The following RBFOX1 variants were observed in gnomAD, a reference collection of about 807,000 sequenced individuals.
The protein encoded by RBFOX1 is RNA binding protein fox-1 homolog 1.
RBFOX1 carries 8 observed loss-of-function variants against 57.7 expected under a neutral mutation model. The ratio of observed to expected loss-of-function variants is 0.14; its 90% CI spans 0.08 to 0.25. RBFOX1 has a LOEUF of 0.25. Among genes scored for constraint, RBFOX1 ranks in the 10% least tolerant of loss-of-function variants. The pLI is 1.00. For synonymous variants in RBFOX1, 326 were observed against 222.4 expected (o/e 1.47, Z -4.15); for missense variants, 611 against 548.5 (o/e 1.11, Z -1.14).
At chr16:7,607,425 C>T (rs2095320655) in intron 10 of RBFOX1, 87 bp downstream of exon 10, 1 of 1,285,416 alleles carries the variant, frequency 7.8e-7, no homozygotes, top group Non-Finnish European at 1.1e-6. Flanking sequence ...TGTAAAATAA[C>T]CTGAAGCAAG....
intron 1 of RBFOX1, among the ~76,000 whole-genome samples, chr16:5,407,769 G>A (rs955094378): frequency 1.3e-5 from 2 of 152,142 alleles, no homozygotes; most frequent in African/African-American, 2.4e-5. Context: ...GGCTGGTCTC[G>A]AACTCCTGAC....
intron 4 of RBFOX1, among the ~76,000 whole-genome samples, chr16:7,279,309 G>A (rs1303735417): frequency 3.9e-5 from 6 of 152,068 alleles, no homozygotes; most frequent in Non-Finnish European, 7.4e-5. Flanking sequence ...GCTGAAATGC[G>A]GATTTCTCAG....
rs141361058 is a variant in RBFOX1 at position 6,749,731 on chromosome 16, T to G, written c.-16+95081T>G. Among the ~76,000 whole-genome samples the G allele has an allele frequency of 5.4e-3, 830 of 152,320 alleles. 18 individuals are homozygous for G. The highest frequency in any genetic ancestry group is 0.04 in the Admixed American group (605 of 15,288). ...GAATTGCAGTGCACAGATTCTTGCTTAAGAATAACAGCGACTTGGAAAGTT... is the reference window on the plus strand; with the variant it reads ...GAATTGCAGTGCACAGATTCTTGCTGAAGAATAACAGCGACTTGGAAAGTT... On this transcript the variant is annotated intron_variant, in intron 3 of 15. Transcript: ENST00000550418.
At chr16:6,890,727 A>G (rs1393111005) in intron 3 of RBFOX1, among the ~76,000 whole-genome samples, 5 of 152,186 alleles carry the variant, frequency 3.3e-5, no homozygotes, top group Non-Finnish European at 5.9e-5. Context: ...CAAGTGGAGA[A>G]GAAGGAGAGT....
chr16:5,904,529 C>T (rs942244789), intron 4 of RBFOX1, among the ~76,000 whole-genome samples: 4 of 151,812 alleles, frequency 2.6e-5, no homozygotes, highest in Middle Eastern at 3.4e-3. Flanking sequence ...AGTGGGTAGG[C>T]GGAAGGCAGG....
intron 3 of RBFOX1, among the ~76,000 whole-genome samples, chr16:5,751,895 A>G (rs1057205803): frequency 6.6e-6 from 1 of 152,136 alleles, no homozygotes; most frequent in African/African-American, 2.4e-5. Flanking sequence ...AAACAGAAAT[A>G]CCATTTGACC....
intron 2 of RBFOX1, among the ~76,000 whole-genome samples, chr16:6,428,917 T>G (rs1227425535): frequency 6.6e-6 from 1 of 152,216 alleles, no homozygotes; most frequent in African/African-American, 2.4e-5. Context: ...TAGGAAGTAG[T>G]AAAGCGTATT....
intron 4 of RBFOX1, among the ~76,000 whole-genome samples, chr16:7,320,191 C>T (rs2096520858): frequency 6.6e-6 from 1 of 152,022 alleles, no homozygotes; most frequent in Non-Finnish European, 1.5e-5. Context: ...GGTATTAAGC[C>T]CCATGTTCAT....
At chr16:5,567,951 A>T (rs2046132543) in intron 2 of RBFOX1, among the ~76,000 whole-genome samples, 2 of 152,340 alleles carry the variant, frequency 1.3e-5, no homozygotes, top group Admixed American at 6.5e-5. Flanking sequence ...GTAGTGGGGC[A>T]GAGGGGCTGG....
At chr16:7,306,799 A>T (rs1195155109) in intron 4 of RBFOX1, among the ~76,000 whole-genome samples, 1 of 152,176 alleles carries the variant, frequency 6.6e-6, no homozygotes, top group Non-Finnish European at 1.5e-5. Context: ...CACTTATTTT[A>T]TTTAGCATTC....
At chr16:6,747,456 C>CTGTCTGTG (rs1220425757) in intron 3 of RBFOX1, among the ~76,000 whole-genome samples, 7 of 151,318 alleles carry the variant, frequency 4.6e-5, no homozygotes, top group African/African-American at 1.7e-4. Flanking sequence ...GTCTGTCTGT[C>CTGTCTGTG]TGTCTGTCTG....
intron 3 of RBFOX1, among the ~76,000 whole-genome samples, chr16:6,899,591 C>G (rs908859897): frequency 6.6e-6 from 1 of 152,196 alleles, no homozygotes; most frequent in Non-Finnish European, 1.5e-5. Context: ...ATTTTGAGCA[C>G]AGCTCCAGAA....
chr16:7,453,448 C>G lies in RBFOX1; in HGVS notation c.28-64699C>G, dbSNP rs535409460. ...TGCCGGCCATGATCGGGAGTTATGA[C>G]TTTATCCTAAGAATAGGGATTCATT... is the stretch of plus-strand genomic sequence containing the variant. On this transcript the variant is annotated intron_variant, in intron 4 of 15. Transcript: ENST00000550418. 4.6e-5 allele frequency among the ~76,000 whole-genome samples: 7 copies of G among 152,214 alleles called. No homozygotes were observed. In the East Asian group the frequency reaches 1.4e-3, roughly 29 times the overall value.
chr16:6,766,258 A>G (rs548255696), intron 3 of RBFOX1, among the ~76,000 whole-genome samples: 122 of 152,302 alleles, frequency 8.0e-4, no homozygotes, highest in African/African-American at 2.7e-3. Flanking sequence ...CATTGTTTTT[A>G]TACAGCTCTT....
intron 2 of RBFOX1, among the ~76,000 whole-genome samples, chr16:6,547,283 G>A (rs958492636): frequency 6.6e-5 from 10 of 152,054 alleles, no homozygotes; most frequent in Non-Finnish European, 1.3e-4. Context: ...AGCCCCGGCT[G>A]GTGATTTATA....
intron 14 of RBFOX1, among the ~76,000 whole-genome samples, chr16:7,688,246 TGTGTGTGTGTGTGTGAGA>T (rs1338152648): frequency 1.5e-3 from 158 of 102,600 alleles, no homozygotes; most frequent in African/African-American, 3.9e-3. Context: ...TGTGTGTGTG[TGTGTGTGTGTGTGTGAGA>T]GAGAGAGAGA....
intron 1 of RBFOX1, among the ~76,000 whole-genome samples, chr16:6,087,654 T>A (rs2096107933): frequency 6.6e-6 from 1 of 151,842 alleles, no homozygotes. Context: ...GATATTTATC[T>A]TACTTTTTTT....
intron 14 of RBFOX1, among the ~76,000 whole-genome samples, chr16:7,704,736 G>T (rs566957174): frequency 7.4e-4 from 113 of 152,274 alleles, no homozygotes; most frequent in Middle Eastern, 6.8e-3. Context: ...TAGGGATGAA[G>T]TTGGAAAGTG....
intron 5 of RBFOX1, among the ~76,000 whole-genome samples, chr16:7,553,284 A>G (rs945973496): frequency 6.6e-6 from 1 of 152,126 alleles, no homozygotes; most frequent in African/African-American, 2.4e-5. Context: ...AGCTGGGGCT[A>G]CAGGTGCCCA....
Sources: gnomAD v4.1 joint callset for allele counts (sites outside exome capture counted in the v4.1 genomes callset) on GRCh38, gnomAD v4.1.1 for gene constraint, MANE v1.5 for transcripts, NCBI Gene and HGNC (gene_info 2026-07-23, HGNC 2026-07-21) for gene names.